KIF15: variants seen among roughly 807,000 people sequenced by gnomAD.
KIF15 encodes the protein kinesin family member 15.
KIF15 carries 140 observed loss-of-function variants against 190.6 expected under a neutral mutation model. The ratio of observed to expected loss-of-function variants is 0.73; its 90% confidence interval spans 0.64 to 0.84. The LOEUF is 0.84. KIF15 is among the 40% of genes least tolerant of loss of function. The probability of loss-of-function intolerance (pLI) is 0.00; values close to 1 mark genes in which losing one functional copy is unlikely to be tolerated. For missense variants in KIF15, 1,372 were observed against 1,584.4 expected (o/e 0.87, Z 2.28); for synonymous variants, 528 against 551.3 (o/e 0.96, Z 0.59).
intron 11 of KIF15, among the ~76,000 whole-genome samples, chr3:44,800,918 T>G (rs1035821196): frequency 1.3e-5 from 2 of 152,114 alleles, no homozygotes; most frequent in Non-Finnish European, 2.9e-5. Context: ...ATTGTGCATA[T>G]TAACTAAATA....
At chr3:44,799,312 C>T (rs751731846) in intron 10 of KIF15, 1 of 456,724 alleles carries the variant, frequency 2.2e-6, no homozygotes, top group South Asian at 1.5e-5. Context: ...TGCAGCCTAT[C>T]AGTGGAAAGT....
intron 22 of KIF15, 154 bp from the exon 23 acceptor site, chr3:44,827,305 G>A: frequency 1.7e-6 from 1 of 576,540 alleles, no homozygotes. Flanking sequence ...TTGAAGAAAT[G>A]GGTTCAAATT....
chr3:44,860,349 T>C (rs1699226825), intron 6 of KIF15, among the ~76,000 whole-genome samples: 1 of 152,060 alleles, frequency 6.6e-6, no homozygotes, highest in Non-Finnish European at 1.5e-5. Context: ...GGACAGTTTG[T>C]ACCATATTGG....
At chr3:44,824,108 GCTGCAGA>G (rs1559568013) in intron 20 of KIF15, among the ~76,000 whole-genome samples, 1 of 152,206 alleles carries the variant, frequency 6.6e-6, no homozygotes, top group Non-Finnish European at 1.5e-5. Context: ...CCCGCTGGGA[GCTGCAGA>G]CTGCAGCTCT....
At chr3:44,846,766 T>C (rs145696880) in intron 30 of KIF15, among the ~76,000 whole-genome samples, 2,527 of 138,212 alleles carry the variant, frequency 0.018, 69 homozygotes, top group African/African-American at 0.064. Context: ...AGTAGGACTC[T>C]GTCTCAAAAA....
chr3:44,831,533 T>C (rs187334280), intron 26 of KIF15, among the ~76,000 whole-genome samples: 2 of 152,330 alleles, frequency 1.3e-5, no homozygotes, highest in East Asian at 3.9e-4. Context: ...AGAAAAGGGC[T>C]GTTTAAACAG....
chr3:44,786,316 G>C, intron 6 of KIF15, 79 bp from the exon 7 acceptor site: 1 of 1,161,256 alleles, frequency 8.6e-7, no homozygotes, highest in Non-Finnish European at 1.2e-6. Context: ...CTTGTGAAGC[G>C]AGTGCAAAAT....
At chr3:44,797,309 A>G (rs1370020607) in intron 8 of KIF15, among the ~76,000 whole-genome samples, 4 of 152,322 alleles carry the variant, frequency 2.6e-5, no homozygotes, top group Non-Finnish European at 5.9e-5. Context: ...GATGACTAGC[A>G]TGAGCCACAG....
At position 44,797,579 on chromosome 3, in the gene KIF15, G is replaced by A; in HGVS notation, c.878G>A (p.Ser293Asn). 3 of 1,614,056 alleles carry A rather than the reference G, an allele frequency of 1.9e-6. No individual in the cohort carries two copies. The highest frequency in any genetic ancestry group is 2.2e-5 in the East Asian group (1 of 44,876). Residue 293 changes from serine (S) to asparagine (N), a missense_variant, in exon 9 of 35, where the codon AGC (serine) becomes AAC (asparagine). Physicochemically the swap from Ser to Asn is conservative, Grantham distance 46. Coordinates refer to ENST00000326047, the MANE Select transcript of KIF15 (RefSeq NM_020242.3). ...GCAGGTAACATAAATCGATCATTGA[G>A]CTGCCTGGGCCAAGTGATTACAGCA... ...KEAGNINRSL[S>N]CLGQVITALV...
intron 5 of KIF15, among the ~76,000 whole-genome samples, chr3:44,781,657 G>A (rs1357115023): frequency 6.6e-6 from 1 of 152,160 alleles, no homozygotes; most frequent in Non-Finnish European, 1.5e-5. Context: ...TATCTCAGTA[G>A]TATATGGAAG....
chr3:44,812,131 T>C (rs374031166), intron 17 of KIF15, 51 bp from the exon 18 acceptor site: 225 of 1,326,734 alleles, frequency 1.7e-4, no homozygotes, highest in Non-Finnish European at 2.3e-4. Context: ...GGTGGAATGT[T>C]TGAGAATTCC....
At chr3:44,859,854 T>C (rs944535467) in intron 6 of KIF15, among the ~76,000 whole-genome samples, 1 of 152,164 alleles carries the variant, frequency 6.6e-6, no homozygotes, top group African/African-American at 2.4e-5. Context: ...TCAGTCTAGC[T>C]CTAGACCTAA....
Position 44,786,586 on chromosome 3 carries a change from T to C in KIF15, c.639+12T>C, listed in dbSNP as rs1411058922. ...CTGAAGCCTATCAGGTACCCTGCCA[T>C]GAGTACTTAATTGGTGCTTAGGCAA... On this transcript the variant is annotated intron_variant, in intron 7 of 34. Transcript: ENST00000326047. 4 of 1,600,422 alleles carry C rather than the reference T, an allele frequency of 2.5e-6. No individual in the cohort carries two copies. The highest frequency in any genetic ancestry group is 3.4e-6 in the Non-Finnish European group (4 of 1,170,308).
chr3:44,829,597 T>TG (rs1697921801), intron 24 of KIF15, among the ~76,000 whole-genome samples: 2 of 126,326 alleles, frequency 1.6e-5, no homozygotes, highest in African/African-American at 6.6e-5. Context: ...TTATATATTA[T>TG]ATATGCATAT....
chr3:44,787,969 C>T (rs915469437), intron 7 of KIF15, among the ~76,000 whole-genome samples: 9 of 152,100 alleles, frequency 5.9e-5, no homozygotes, highest in African/African-American at 1.9e-4. Flanking sequence ...ATTCTCGTGC[C>T]TTAGCCTCCC....
chr3:44,814,445 G>GACCACAGGTGCTCACC (rs1575631772), intron 19 of KIF15, among the ~76,000 whole-genome samples: 1 of 152,080 alleles, frequency 6.6e-6, no homozygotes, highest in African/African-American at 2.4e-5. Flanking sequence ...GAGTAGATGG[G>GACCACAGGTGCTCACC]ACCACAGGTG....
intron 7 of KIF15, among the ~76,000 whole-genome samples, chr3:44,790,849 C>T (rs1277282771): frequency 6.6e-6 from 1 of 151,936 alleles, no homozygotes; most frequent in Non-Finnish European, 1.5e-5. Context: ...TGCGCCACCA[C>T]GCCCTGTTAA....
chr3:44,820,280 CATT>C (rs1455918940), intron 20 of KIF15, among the ~76,000 whole-genome samples: 1 of 148,092 alleles, frequency 6.8e-6, no homozygotes, highest in African/African-American at 2.5e-5. Flanking sequence ...TTGATCCTGT[CATT>C]ATGATGTTAG....
At position 44,805,826 on chromosome 3, in the gene KIF15, G is replaced by A. The variant is rs192791641; in HGVS notation, c.1830-19G>A. 410 of 1,605,642 alleles carry A rather than the reference G, an allele frequency of 2.6e-4. 2 individuals carry two copies. In the African/African-American group the frequency reaches 4.9e-3, roughly 19 times the overall value. On this transcript the variant is annotated intron_variant, in intron 15 of 34. Transcript: ENST00000326047. The stretch of plus-strand genomic sequence containing the variant: ...CATTACTTATTACCTGAAATACTCC[G>A]TTTTACAATATCTATTAGGAAAAGG...
Sources: gnomAD v4.1 joint callset for allele counts (sites outside exome capture counted in the v4.1 genomes callset) on GRCh38, gnomAD v4.1.1 for gene constraint, MANE v1.5 for transcripts, NCBI Gene and HGNC (gene_info 2026-07-23, HGNC 2026-07-21) for gene names.